GALNT18: variants seen among roughly 807,000 people sequenced by gnomAD.
The protein encoded by GALNT18 is polypeptide N-acetylgalactosaminyltransferase 18, also known as GalNAc-transferase 18.
GALNT18 carries 44 observed loss-of-function variants against 69.5 expected under a neutral mutation model. The ratio of observed to expected loss-of-function variants is 0.63; its 90% CI spans 0.50 to 0.81. The LOEUF is 0.81. Ranked by LOEUF, GALNT18 falls within the 40% of genes least tolerant of loss-of-function variation. The pLI is 0.00. For missense variants in GALNT18, 715 were observed against 810.0 expected (o/e 0.88, Z 1.42); for synonymous variants, 364 against 318.2 (o/e 1.14, Z -1.53).
chr11:11,291,291 G>A lies in GALNT18; in HGVS notation c.1677+1738C>T, dbSNP rs114538420. 4.8e-3 allele frequency among the ~76,000 whole-genome samples: 731 copies of A among 151,854 alleles called. 7 individuals carry two copies. Among genetic ancestry groups the A allele is most frequent in the African/African-American group, 0.017 (695 of 41,410 alleles). The stretch of plus-strand genomic sequence containing the variant: ...GGCCTTCTCCCACGTGGCCACTTCC[G>A]ACATAGCTTCAGTGATGAGAAGTAA... On this transcript the variant is annotated intron_variant, in intron 10 of 10. Transcript: ENST00000227756.
chr11:11,512,749 G>A (rs1857189680), intron 1 of GALNT18, among the ~76,000 whole-genome samples: 1 of 152,196 alleles, frequency 6.6e-6, no homozygotes, highest in Non-Finnish European at 1.5e-5. Context: ...GGCTCGTTAT[G>A]TGCCTTAACA....
At chr11:11,285,835 G>A (rs554094429) in intron 10 of GALNT18, among the ~76,000 whole-genome samples, 1 of 152,310 alleles carries the variant, frequency 6.6e-6, no homozygotes, top group Admixed American at 6.5e-5. Flanking sequence ...AATGTGCTCT[G>A]CAAATAGATT....
intron 3 of GALNT18, among the ~76,000 whole-genome samples, chr11:11,418,100 G>C (rs547150949): frequency 4.6e-5 from 7 of 152,338 alleles, no homozygotes; most frequent in African/African-American, 1.7e-4. Flanking sequence ...AGGAAGAGGA[G>C]TGCTGCCTTC....
intron 9 of GALNT18, among the ~76,000 whole-genome samples, chr11:11,294,534 C>T (rs1849361595): frequency 6.6e-6 from 1 of 151,610 alleles, no homozygotes; most frequent in African/African-American, 2.4e-5. Flanking sequence ...GCCAGCTCTG[C>T]AAACTCCTTT....
chr11:11,365,536 G>C (rs574324719), intron 6 of GALNT18, among the ~76,000 whole-genome samples: 2 of 152,226 alleles, frequency 1.3e-5, no homozygotes, highest in African/African-American at 4.8e-5. Flanking sequence ...TGGATCAAAT[G>C]GTGTTTCTGG....
intron 1 of GALNT18, among the ~76,000 whole-genome samples, chr11:11,612,368 T>G (rs1450781842): frequency 6.6e-6 from 1 of 152,196 alleles, no homozygotes; most frequent in East Asian, 1.9e-4. Flanking sequence ...AATCTTTAAT[T>G]CTCTATATGC....
At chr11:11,286,180 TAC>T (rs775315989) in intron 10 of GALNT18, among the ~76,000 whole-genome samples, 1 of 152,230 alleles carries the variant, frequency 6.6e-6, no homozygotes, top group East Asian at 1.9e-4. Context: ...CAACATGAAA[TAC>T]AGTCTCAACA....
chr11:11,392,491 T>G (rs1854217708), intron 3 of GALNT18, among the ~76,000 whole-genome samples: 1 of 152,140 alleles, frequency 6.6e-6, no homozygotes, highest in Non-Finnish European at 1.5e-5. Context: ...TGGTAGCGCA[T>G]GCCTGTAATC....
rs1447888823 is a variant in GALNT18 at position 11,347,405 on chromosome 11, G to A, written c.1093-6401C>T. On this transcript the variant is annotated intron_variant, in intron 6 of 10. Coordinates refer to ENST00000227756, the MANE Select transcript of GALNT18 (RefSeq NM_198516.3). The surrounding 1 kb of genome is among the most constrained non-coding windows in gnomAD (Gnocchi z 4.0). ...GGCAAATGAGTTTACACTCCTGTGTGAAATCCATTTGCTTGTTAATATCCT... is the reference window on the plus strand; with the variant it reads ...GGCAAATGAGTTTACACTCCTGTGTAAAATCCATTTGCTTGTTAATATCCT... 6.6e-6 allele frequency among the ~76,000 whole-genome samples: 1 copy of A among 152,214 alleles called. No individual in the cohort carries two copies. The highest frequency in any genetic ancestry group is 1.9e-4 in the East Asian group (1 of 5,200).
intron 6 of GALNT18, among the ~76,000 whole-genome samples, chr11:11,368,269 T>C (rs1241652403): frequency 6.6e-6 from 1 of 152,242 alleles, no homozygotes; most frequent in Non-Finnish European, 1.5e-5. Flanking sequence ...GTAGTTCCTC[T>C]ATGGTATATC....
At chr11:11,452,397 G>A (rs890329300) in intron 1 of GALNT18, among the ~76,000 whole-genome samples, 4 of 152,308 alleles carry the variant, frequency 2.6e-5, no homozygotes, top group African/African-American at 7.2e-5. Flanking sequence ...AGCTTGGCAC[G>A]GTGCCTGGCA....
chr11:11,535,833 T>G (rs1350110110), intron 1 of GALNT18, among the ~76,000 whole-genome samples: 1 of 152,218 alleles, frequency 6.6e-6, no homozygotes, highest in Non-Finnish European at 1.5e-5. Flanking sequence ...TTGTATGCCA[T>G]GTTTGTCCTG....
Position 11,331,607 on chromosome 11 carries a change from A to C in GALNT18, c.1416+1087T>G, listed in dbSNP as rs535644852. Among the ~76,000 whole-genome samples, 26 of 152,220 alleles carry C rather than the reference A, an allele frequency of 1.7e-4. 1 individual carries two copies. Among genetic ancestry groups the C allele is most frequent in the Non-Finnish European group, 1.3e-4 (9 of 68,038 alleles). ...TTCCTTCAAGTTTTCATCTTGAGAT[A>C]TCAAAAAAGGTCTGAGGGGACACTC... On this transcript the variant is annotated intron_variant, in intron 8 of 10. Coordinates refer to ENST00000227756, the MANE Select transcript of GALNT18 (RefSeq NM_198516.3).
intron 1 of GALNT18, among the ~76,000 whole-genome samples, chr11:11,515,446 G>C (rs11021884): frequency 6.6e-6 from 1 of 151,996 alleles, no homozygotes. Flanking sequence ...TGTGTGCCCC[G>C]ATTCCCCCTG....
Position 11,318,524 on chromosome 11 carries a change from C to T in GALNT18, c.1512+8562G>A, listed in dbSNP as rs1849792755. Among the ~76,000 whole-genome samples the T allele has an allele frequency of 6.6e-6, 1 of 152,130 alleles. No individual in the cohort carries two copies. Among genetic ancestry groups the T allele is most frequent in the African/African-American group, 2.4e-5 (1 of 41,426 alleles). On this transcript the variant is annotated intron_variant, in intron 9 of 10. Coordinates refer to ENST00000227756, the MANE Select transcript of GALNT18 (RefSeq NM_198516.3). The surrounding 1 kb of genome is among the most constrained non-coding windows in gnomAD (Gnocchi z 5.1). Reference sequence around the variant, plus strand: ...CTAGGCCTTCAGAGGGAGCTTGGCCCTGCTGAGACCGATCTCGAACTTCTA... The same window carrying T: ...CTAGGCCTTCAGAGGGAGCTTGGCCTTGCTGAGACCGATCTCGAACTTCTA...
At chr11:11,329,626 G>T (rs930498225) in intron 8 of GALNT18, among the ~76,000 whole-genome samples, 2 of 152,200 alleles carry the variant, frequency 1.3e-5, no homozygotes, top group African/African-American at 4.8e-5. Context: ...CACTTAGCAG[G>T]TTGCATTCTT....
intron 6 of GALNT18, among the ~76,000 whole-genome samples, chr11:11,353,710 G>C (rs1850468030): frequency 6.6e-6 from 1 of 152,100 alleles, no homozygotes; most frequent in Admixed American, 6.5e-5. Context: ...GCCCCCAAAA[G>C]GATAACACTG....
intron 1 of GALNT18, among the ~76,000 whole-genome samples, chr11:11,518,634 A>G (rs999871637): frequency 6.6e-6 from 1 of 152,260 alleles, no homozygotes; most frequent in Non-Finnish European, 1.5e-5. Flanking sequence ...AGAAAGACAC[A>G]AAGATGCAAA....
chr11:11,366,864 T>G (rs1850783464), intron 6 of GALNT18, among the ~76,000 whole-genome samples: 1 of 152,172 alleles, frequency 6.6e-6, no homozygotes, highest in South Asian at 2.1e-4. Context: ...TATTAGGTTC[T>G]CCATGATTGA....
Sources: gnomAD v4.1 joint callset for allele counts (sites outside exome capture counted in the v4.1 genomes callset) on GRCh38, gnomAD v4.1.1 for gene constraint, Gnocchi (gnomAD v3.1) non-coding constraint, MANE v1.5 for transcripts, NCBI Gene and HGNC (gene_info 2026-07-23, HGNC 2026-07-21) for gene names.